Variants in PRELID2 observed in about 807,000 individuals in gnomAD.
PRELID2 encodes the protein PRELI domain-containing protein 2.
PRELID2 carries 25 observed loss-of-function variants against 28.4 expected under a neutral mutation model. That is an observed-to-expected ratio of 0.88 (90% CI 0.64 to 1.23). The LOEUF (loss-of-function observed/expected upper bound fraction) is 1.23, where lower values mean the gene tolerates loss of function less well. Ranked by LOEUF, PRELID2 falls within the 50% of genes most tolerant of loss-of-function variation. The pLI is 0.00. For synonymous variants in PRELID2, 76 were observed against 71.6 expected, an observed-to-expected ratio of 1.06 and a Z score of -0.31; for missense variants, 201 against 214.4, an observed-to-expected ratio of 0.94 and a Z score of 0.39.
chr5:145,825,224 T>TTAA (rs1561654777), intron 1 of PRELID2, among the ~76,000 whole-genome samples: 1 of 13,120 alleles, frequency 7.6e-5, no homozygotes, highest in Non-Finnish European at 2.3e-4. Flanking sequence ...AGACTCTGTC[T>TTAA]CAAAAAAAAA....
chr5:145,390,642 G>A, the PRELID2 span, among the ~76,000 whole-genome samples: 227 of 152,128 alleles, frequency 1.5e-3, 1 homozygote, highest in African/African-American at 5.3e-3. Flanking sequence ...ATTCTGCCCC[G>A]GCCCCTCTCA....
chr5:145,779,108 T>A (rs1033650603), intron 5 of PRELID2, among the ~76,000 whole-genome samples: 3 of 152,170 alleles, frequency 2.0e-5, no homozygotes, highest in Non-Finnish European at 4.4e-5. Flanking sequence ...GATAATAGAA[T>A]GAAAACATAA....
At chr5:145,437,338 C>G in the PRELID2 span, 1 of 152,134 alleles carries the variant, frequency 6.6e-6, no homozygotes, top group African/African-American at 2.4e-5. Context: ...AGAAATAATC[C>G]TGTTATTGCT....
At chr5:145,263,610 G>C in the PRELID2 span, among the ~76,000 whole-genome samples, 1 of 151,898 alleles carries the variant, frequency 6.6e-6, no homozygotes, top group African/African-American at 2.4e-5. Flanking sequence ...GAAAAGAAGA[G>C]GGAGGATCCA....
At chr5:145,373,366 A>G in the PRELID2 span, among the ~76,000 whole-genome samples, 7 of 74,232 alleles carry the variant, frequency 9.4e-5, no homozygotes, top group Non-Finnish European at 1.5e-4. Flanking sequence ...TATATATGAT[A>G]TTATATATTA....
chr5:145,253,509 T>A, the PRELID2 span, among the ~76,000 whole-genome samples: 2 of 152,004 alleles, frequency 1.3e-5, no homozygotes, highest in African/African-American at 4.8e-5. Context: ...CCATGCTTTT[T>A]CTCCTTTGCA....
intron 1 of PRELID2, among the ~76,000 whole-genome samples, chr5:145,627,632 G>A (rs1753871121): frequency 6.6e-6 from 1 of 151,970 alleles, no homozygotes; most frequent in Admixed American, 6.6e-5. Flanking sequence ...CATCAACCCT[G>A]GACTACCTCT....
At chr5:145,251,785 T>G in the PRELID2 span, among the ~76,000 whole-genome samples, 1 of 152,054 alleles carries the variant, frequency 6.6e-6, no homozygotes, top group African/African-American at 2.4e-5. Flanking sequence ...CTTGCCTCAT[T>G]GAGTGATACT....
the PRELID2 span, among the ~76,000 whole-genome samples, chr5:145,303,566 G>A: frequency 6.6e-6 from 1 of 152,162 alleles, no homozygotes; most frequent in South Asian, 2.1e-4. Flanking sequence ...TCTAGGAAGA[G>A]CAACATAGAA....
chr5:145,288,846 G>A, the PRELID2 span, among the ~76,000 whole-genome samples: 1 of 152,054 alleles, frequency 6.6e-6, no homozygotes, highest in African/African-American at 2.4e-5. Flanking sequence ...CTCTAACAAT[G>A]AGAAACCTGG....
the PRELID2 span, among the ~76,000 whole-genome samples, chr5:145,234,953 T>G: frequency 1.3e-5 from 2 of 152,062 alleles, no homozygotes; most frequent in African/African-American, 4.8e-5. Flanking sequence ...ACTGGTCCTC[T>G]TCGTGGATTT....
At chr5:145,354,322 TG>T in the PRELID2 span, among the ~76,000 whole-genome samples, 1 of 152,176 alleles carries the variant, frequency 6.6e-6, no homozygotes, top group African/African-American at 2.4e-5. Context: ...TTGGAAAGGT[TG>T]CCCCATTCTA....
chr5:145,695,817 G>A (rs901074222), intron 1 of PRELID2, among the ~76,000 whole-genome samples: 3 of 152,062 alleles, frequency 2.0e-5, no homozygotes, highest in South Asian at 4.1e-4. Context: ...GTTTTATAAC[G>A]TAGCCTCAGG....
At chr5:145,231,632 A>G in the PRELID2 span, among the ~76,000 whole-genome samples, 1 of 152,134 alleles carries the variant, frequency 6.6e-6, no homozygotes, top group African/African-American at 2.4e-5. Flanking sequence ...GCTTCACAGG[A>G]TATGCTAACA....
chr5:145,774,454 G>A (rs995032442), intron 5 of PRELID2, among the ~76,000 whole-genome samples: 3 of 152,162 alleles, frequency 2.0e-5, no homozygotes, highest in African/African-American at 7.2e-5. Context: ...AAAGCTACTG[G>A]CACACAACAG....
intron 1 of PRELID2, among the ~76,000 whole-genome samples, chr5:145,741,421 T>A (rs1158648843): frequency 2.4e-4 from 23 of 97,164 alleles, no homozygotes; most frequent in Non-Finnish European, 3.9e-4. Flanking sequence ...ATTTATAATT[T>A]ATTTATATAT....
chr5:145,397,102 G>T, the PRELID2 span, among the ~76,000 whole-genome samples: 1,324 of 152,150 alleles, frequency 8.7e-3, 14 homozygotes, highest in African/African-American at 0.031. Context: ...AGACAAATGA[G>T]TCAGACCCCT....
intron 1 of PRELID2, among the ~76,000 whole-genome samples, chr5:145,599,485 CT>C (rs1753357788): frequency 6.6e-6 from 1 of 152,258 alleles, no homozygotes; most frequent in South Asian, 2.1e-4. Context: ...TCCCAACTTC[CT>C]ATCTCGGCCA....
the PRELID2 span, among the ~76,000 whole-genome samples, chr5:145,347,307 T>C: frequency 3.3e-5 from 5 of 152,188 alleles, no homozygotes; most frequent in Admixed American, 2.6e-4. Context: ...AGCCATGTGA[T>C]CTTTTTATTC....
Sources: allele counts gnomAD v4.1 joint callset (sites outside exome capture counted in the v4.1 genomes callset), GRCh38; gene constraint gnomAD v4.1.1; transcripts MANE v1.5; gene names NCBI Gene and HGNC (gene_info 2026-07-23, HGNC 2026-07-21).